Variants in CLASP2 observed in about 807,000 individuals in gnomAD.
CLASP2 encodes the protein cytoplasmic linker associated protein 2.
Under a neutral mutation model 194.4 loss-of-function variants are expected in CLASP2, and 47 were observed. That is an observed-to-expected ratio of 0.24 (90% confidence interval 0.19 to 0.31). CLASP2 has a LOEUF of 0.31. Ranked by LOEUF, CLASP2 falls within the 10% of genes least tolerant of loss-of-function variation. The pLI, the probability that CLASP2 is intolerant of heterozygous loss-of-function variation, is 1.00. For missense variants in CLASP2, 1,445 were observed against 1,823.6 expected, an observed-to-expected ratio of 0.79 and a Z score of 3.78; for synonymous variants, 619 against 633.5, an observed-to-expected ratio of 0.98 and a Z score of 0.34.
rs537904182 is a variant in CLASP2 at position 33,561,896 on chromosome 3, T to G, written c.2767-925A>C. ...CATAATAAACATTTTGATCACAGAT[T>G]AAAAACTATGGGTTAAAAAAACTTA... On this transcript the variant is annotated intron_variant, in intron 27 of 38. Coordinates refer to ENST00000682230, the MANE Select transcript of CLASP2 (RefSeq NM_001365631.1). 7.2e-5 allele frequency among the ~76,000 whole-genome samples: 11 copies of G among 152,202 alleles called. No homozygotes were observed. In the East Asian group the frequency reaches 2.1e-3, roughly 29 times the overall value.
intron 7 of CLASP2, among the ~76,000 whole-genome samples, chr3:33,654,979 G>T (rs1416763317): frequency 6.6e-6 from 1 of 152,056 alleles, no homozygotes; most frequent in African/African-American, 2.4e-5. Flanking sequence ...ACAGTCCAAT[G>T]AAGTAACGGG....
chr3:33,705,850 T>C (rs1002364221), intron 1 of CLASP2, among the ~76,000 whole-genome samples: 5 of 152,192 alleles, frequency 3.3e-5, no homozygotes, highest in Non-Finnish European at 7.3e-5. Flanking sequence ...AATTCTGCTA[T>C]GCAATGATTT....
Position 33,527,824 on chromosome 3 carries a change from G to C in CLASP2, c.3787+7409C>G, listed in dbSNP as rs372875793. Among the ~76,000 whole-genome samples the C allele has an allele frequency of 1.8e-4, 27 of 152,150 alleles. No homozygotes were observed. In the East Asian group the frequency reaches 4.1e-3, roughly 23 times the overall value. On this transcript the variant is annotated intron_variant, in intron 34 of 38. Coordinates refer to ENST00000682230, the MANE Select transcript of CLASP2 (RefSeq NM_001365631.1). ...TAAAAATACAAAAAATTAGCCAGACGTGGTGGCATGCACCTGTAATCCCAG... is the reference window on the plus strand; with the variant it reads ...TAAAAATACAAAAAATTAGCCAGACCTGGTGGCATGCACCTGTAATCCCAG...
chr3:33,661,193 T>C (rs2085249548), intron 7 of CLASP2, among the ~76,000 whole-genome samples: 1 of 152,226 alleles, frequency 6.6e-6, no homozygotes, highest in Admixed American at 6.5e-5. Context: ...GGAGTAGTTA[T>C]ATTTCCTCCA....
At chr3:33,559,254 T>C in intron 29 of CLASP2, 53 bp downstream of exon 29, 1 of 1,057,592 alleles carries the variant, frequency 9.5e-7, no homozygotes, top group Non-Finnish European at 1.4e-6. Context: ...CATAACTTTA[T>C]TAATAAATAC....
intron 34 of CLASP2, among the ~76,000 whole-genome samples, chr3:33,526,690 T>C (rs771711949): frequency 1.3e-4 from 20 of 152,146 alleles, no homozygotes; most frequent in Admixed American, 2.6e-4. Context: ...CTTCTCATCA[T>C]CACATGGCAC....
chr3:33,536,359 G>A (rs758495599), intron 33 of CLASP2, among the ~76,000 whole-genome samples: 1 of 152,140 alleles, frequency 6.6e-6, no homozygotes, highest in Non-Finnish European at 1.5e-5. Flanking sequence ...TAAATAGGAT[G>A]AGTAGGGTTC....
intron 18 of CLASP2, among the ~76,000 whole-genome samples, chr3:33,598,449 T>C (rs1012589878): frequency 1.3e-5 from 2 of 152,106 alleles, no homozygotes; most frequent in African/African-American, 4.8e-5. Context: ...TGGCTCACCC[T>C]TCCACATTCA....
intron 7 of CLASP2, among the ~76,000 whole-genome samples, chr3:33,657,638 A>G (rs2084512216): frequency 6.6e-6 from 1 of 152,010 alleles, no homozygotes. Context: ...TAAGTATATG[A>G]GAACTTATTT....
At chr3:33,624,122 G>T (rs1161824713) in intron 10 of CLASP2, among the ~76,000 whole-genome samples, 4 of 152,060 alleles carry the variant, frequency 2.6e-5, no homozygotes, top group African/African-American at 9.7e-5. Context: ...TTGATAAAAA[G>T]AGATACACAC....
intron 2 of CLASP2, 21 bp downstream of exon 2, chr3:33,696,834 A>G (rs1362942846): frequency 6.9e-7 from 1 of 1,459,064 alleles, no homozygotes; most frequent in Admixed American, 1.9e-5. Context: ...TTAGAATTGT[A>G]AATAAACAAA....
At chr3:33,711,738 A>G (rs2093022005) in intron 1 of CLASP2, among the ~76,000 whole-genome samples, 1 of 152,220 alleles carries the variant, frequency 6.6e-6, no homozygotes, top group African/African-American at 2.4e-5. Context: ...AATTTCCAAA[A>G]GAAGATATAC....
intron 28 of CLASP2, among the ~76,000 whole-genome samples, chr3:33,560,385 G>A (rs1298624309): frequency 3.3e-5 from 5 of 151,968 alleles, no homozygotes; most frequent in Non-Finnish European, 5.9e-5. Context: ...TGAGATTACA[G>A]GTGCCTGCCA....
intron 6 of CLASP2, among the ~76,000 whole-genome samples, chr3:33,664,012 C>G (rs2085751789): frequency 6.6e-6 from 1 of 152,144 alleles, no homozygotes; most frequent in Non-Finnish European, 1.5e-5. Flanking sequence ...TCATACAACA[C>G]CAATTCCACT....
intron 16 of CLASP2, among the ~76,000 whole-genome samples, chr3:33,604,493 A>G (rs1360746138): frequency 2.0e-5 from 3 of 151,902 alleles, no homozygotes; most frequent in Admixed American, 2.0e-4. Context: ...TAATTTTTAA[A>G]TTTTTAATAG....
At chr3:33,608,503 T>C in intron 14 of CLASP2, 64 bp downstream of exon 14, 2 of 1,259,318 alleles carry the variant, frequency 1.6e-6, no homozygotes, top group African/African-American at 3.0e-5. Context: ...ACCAATACCA[T>C]CAACTTCTAA....
intron 7 of CLASP2, among the ~76,000 whole-genome samples, chr3:33,645,682 T>C (rs1269864079): frequency 6.6e-6 from 1 of 152,164 alleles, no homozygotes; most frequent in African/African-American, 2.4e-5. Flanking sequence ...TTTATATAAA[T>C]AGAAAATAAG....
At chr3:33,632,540 T>A (rs1249267919) in intron 8 of CLASP2, among the ~76,000 whole-genome samples, 169 bp from the exon 9 acceptor site, 1 of 152,240 alleles carries the variant, frequency 6.6e-6, no homozygotes, top group Non-Finnish European at 1.5e-5. Context: ...GAAAGGTCAA[T>A]GTACTTTGTA....
chr3:33,670,767 G>A (rs2087012413), intron 6 of CLASP2, among the ~76,000 whole-genome samples: 1 of 152,100 alleles, frequency 6.6e-6, no homozygotes, highest in Non-Finnish European at 1.5e-5. Flanking sequence ...AAACTCCAGG[G>A]GACACAGTCA....
Sources: allele counts gnomAD v4.1 joint callset (sites outside exome capture counted in the v4.1 genomes callset), GRCh38; gene constraint gnomAD v4.1.1; transcripts MANE v1.5; gene names NCBI Gene and HGNC (gene_info 2026-07-23, HGNC 2026-07-21).